The following SCAMP1 variants were observed in gnomAD, a reference collection of about 807,000 sequenced individuals.
SCAMP1 encodes the protein secretory carrier membrane protein 1.
A neutral mutation model predicts 41.8 loss-of-function variants in SCAMP1; 15 were observed. The observed-to-expected ratio is 0.36, with a 90% CI of 0.24 to 0.55. The LOEUF (loss-of-function observed/expected upper bound fraction) is 0.55. Ranked by LOEUF, SCAMP1 falls within the 20% of genes least tolerant of loss-of-function variation. The pLI, the probability that SCAMP1 is intolerant of heterozygous loss-of-function variation, is 0.86. For synonymous variants in SCAMP1, 135 were observed against 136.8 expected (o/e 0.99, Z 0.09); for missense variants, 341 against 412.6 (o/e 0.83, Z 1.50).
intron 1 of SCAMP1, among the ~76,000 whole-genome samples, chr5:78,363,938 A>G (rs1750728010): frequency 6.6e-6 from 1 of 152,332 alleles, no homozygotes; most frequent in Admixed American, 6.5e-5. Flanking sequence ...ATCTGTAGTG[A>G]TCGAAAAGAA....
chr5:78,396,605 C>T (rs1228148061), intron 2 of SCAMP1, among the ~76,000 whole-genome samples: 1 of 152,024 alleles, frequency 6.6e-6, no homozygotes, highest in Non-Finnish European at 1.5e-5. Flanking sequence ...ATCATTGGCC[C>T]TTAGATGGTA....
intron 2 of SCAMP1, 80 bp from the exon 3 acceptor site, chr5:78,415,440 T>G: frequency 1.2e-6 from 1 of 814,926 alleles, no homozygotes; most frequent in South Asian, 1.7e-5. Context: ...GATTTTTCAT[T>G]TTATTGGTGT....
intron 6 of SCAMP1, among the ~76,000 whole-genome samples, chr5:78,438,490 G>C (rs1003901357): frequency 6.6e-6 from 1 of 152,184 alleles, no homozygotes; most frequent in Non-Finnish European, 1.5e-5. Flanking sequence ...TCATTCAGGA[G>C]CAGGTTGTTC....
chr5:78,468,340 A>T (rs115756365), intron 8 of SCAMP1, among the ~76,000 whole-genome samples: 2,323 of 152,276 alleles, frequency 0.015, 57 homozygotes, highest in African/African-American at 0.053. Flanking sequence ...GTTTTTACAA[A>T]AGCTCCTCTT....
At chr5:78,367,510 G>A (rs1750828203) in intron 1 of SCAMP1, among the ~76,000 whole-genome samples, 1 of 152,150 alleles carries the variant, frequency 6.6e-6, no homozygotes, top group Non-Finnish European at 1.5e-5. Flanking sequence ...AGTAATAAAT[G>A]GGCTTTGTGC....
intron 2 of SCAMP1, among the ~76,000 whole-genome samples, chr5:78,404,347 A>G (rs1022086933): frequency 2.7e-5 from 4 of 150,474 alleles, no homozygotes; most frequent in Admixed American, 6.6e-5. Context: ...GGGTCTCACT[A>G]TATTGCCCAG....
chr5:78,461,941 G>T (rs1363832206), intron 8 of SCAMP1, among the ~76,000 whole-genome samples: 1 of 152,010 alleles, frequency 6.6e-6, no homozygotes, highest in Non-Finnish European at 1.5e-5. Context: ...GACTCTTTTT[G>T]GTTCCATATG....
intron 8 of SCAMP1, among the ~76,000 whole-genome samples, chr5:78,472,596 A>G (rs964462371): frequency 1.4e-4 from 21 of 151,968 alleles, no homozygotes; most frequent in Non-Finnish European, 3.1e-4. Context: ...CCTTTTTCAC[A>G]TGGATATAAT....
chr5:78,457,329 G>A (rs997656473), intron 7 of SCAMP1, among the ~76,000 whole-genome samples: 8 of 152,084 alleles, frequency 5.3e-5, no homozygotes, highest in Admixed American at 4.6e-4. Context: ...TCTACTTTTG[G>A]TCTTTGATGA....
chr5:78,444,184 A>G (rs780022250), intron 6 of SCAMP1, among the ~76,000 whole-genome samples: 2 of 152,192 alleles, frequency 1.3e-5, no homozygotes, highest in Admixed American at 1.3e-4. Context: ...GGAGCCCCCA[A>G]ATAAGACAAG....
chr5:78,453,036 G>GT (rs1262419590), intron 7 of SCAMP1, among the ~76,000 whole-genome samples: 2 of 147,198 alleles, frequency 1.4e-5, no homozygotes, highest in South Asian at 2.1e-4. Context: ...GGGGTTGTTT[G>GT]TTTTTTTCTT....
At chr5:78,416,731 C>G (rs190208034) in intron 4 of SCAMP1, 82 bp downstream of exon 4, 102 of 1,053,430 alleles carry the variant, frequency 9.7e-5, no homozygotes, top group Non-Finnish European at 1.2e-4. Flanking sequence ...GTCATTTGGC[C>G]TGTGGATAAA....
chr5:78,437,531 G>A (rs1462192711), intron 6 of SCAMP1, among the ~76,000 whole-genome samples: 24 of 152,224 alleles, frequency 1.6e-4, no homozygotes, highest in African/African-American at 5.5e-4. Flanking sequence ...ATTTGCGCAT[G>A]TTGAACCAGC....
Position 78,475,643 on chromosome 5 carries a change from A to G in SCAMP1, c.992A>G (p.Asn331Ser). The G allele has an allele frequency of 6.3e-7, 1 of 1,585,044 alleles. No individual in the cohort carries two copies. Among genetic ancestry groups the G allele is most frequent in the Non-Finnish European group, 8.6e-7 (1 of 1,166,034 alleles). The change falls in exon 9 of 9, where the codon AAT (asparagine) becomes AGT (serine). Residue 331 changes from asparagine (N) to serine (S), a missense_variant. By Grantham distance (46) the Asn-to-Ser change is conservative. Coordinates refer to ENST00000621999, the MANE Select transcript of SCAMP1 (RefSeq NM_004866.6). ...ACTGCAGCATCTAGTGCAGCTCAGA[A>G]TGCTTTCAAGGGTAACCAGATTTAA... ...ASTAASSAAQNAFKGNQI is the reference protein window; with the variant it reads ...ASTAASSAAQSAFKGNQI
chr5:78,456,033 C>G (rs1753388807), intron 7 of SCAMP1, among the ~76,000 whole-genome samples: 1 of 74,610 alleles, frequency 1.3e-5, no homozygotes, highest in Non-Finnish European at 2.6e-5. Flanking sequence ...TTTCCATTTG[C>G]TTGGTAGATC....
At chr5:78,425,753 C>T (rs1752453024) in intron 6 of SCAMP1, among the ~76,000 whole-genome samples, 1 of 152,014 alleles carries the variant, frequency 6.6e-6, no homozygotes, top group East Asian at 1.9e-4. Flanking sequence ...ATAAAATTCA[C>T]CCACTCTTAT....
intron 1 of SCAMP1, among the ~76,000 whole-genome samples, chr5:78,374,875 A>G (rs1751027624): frequency 6.6e-6 from 1 of 152,124 alleles, no homozygotes; most frequent in Non-Finnish European, 1.5e-5. Flanking sequence ...TGATTTATTG[A>G]ATAATTCCTA....
chr5:78,459,217 C>A, intron 7 of SCAMP1, 28 bp from the exon 8 acceptor site: 1 of 1,034,104 alleles, frequency 9.7e-7, no homozygotes, highest in Non-Finnish European at 1.5e-6. Flanking sequence ...TCAACTTTTG[C>A]CTAATTACAC....
At chr5:78,439,453 T>C (rs1413501835) in intron 6 of SCAMP1, among the ~76,000 whole-genome samples, 1 of 152,016 alleles carries the variant, frequency 6.6e-6, no homozygotes, top group Non-Finnish European at 1.5e-5. Flanking sequence ...GTAAAGTATT[T>C]TATTTCTCCT....
Sources: gnomAD v4.1 joint callset for allele counts (sites outside exome capture counted in the v4.1 genomes callset) on GRCh38, gnomAD v4.1.1 for gene constraint, MANE v1.5 for transcripts, NCBI Gene and HGNC (gene_info 2026-07-23, HGNC 2026-07-21) for gene names.